The following PLCB1 variants were observed in gnomAD, a reference collection of about 807,000 sequenced individuals.
PLCB1 encodes phospholipase C beta 1, also known as 1-phosphatidylinositol 4,5-bisphosphate phosphodiesterase beta-1.
A neutral mutation model predicts 161.8 loss-of-function variants in PLCB1; 46 were observed. The observed-to-expected ratio is 0.28, with a 90% confidence interval of 0.22 to 0.36. The LOEUF is 0.36. Ranked by LOEUF, PLCB1 falls within the 10% of genes least tolerant of loss-of-function variation. PLCB1 has a pLI of 1.00. For synonymous variants in PLCB1, 517 were observed against 503.7 expected (o/e 1.03, Z -0.35); for missense variants, 1,016 against 1,472.5 (o/e 0.69, Z 5.07).
chr20:8,322,510 TTAA>T (rs1263633509), intron 2 of PLCB1, among the ~76,000 whole-genome samples: 1 of 150,776 alleles, frequency 6.6e-6, no homozygotes, highest in Non-Finnish European at 1.5e-5. Flanking sequence ...CACTGGAATC[TTAA>T]TAGTTCTTGC....
intron 3 of PLCB1, among the ~76,000 whole-genome samples, chr20:8,562,343 A>G (rs1401761656): frequency 6.6e-6 from 1 of 152,072 alleles, no homozygotes; most frequent in Non-Finnish European, 1.5e-5. Context: ...CAGCGGTCCT[A>G]ATGTTTGGTC....
chr20:8,646,003 A>T, intron 4 of PLCB1, 99 bp from the exon 5 acceptor site: 1 of 770,564 alleles, frequency 1.3e-6, no homozygotes, highest in South Asian at 1.6e-5. Flanking sequence ...TTTGGCATGC[A>T]CATTGAACTA....
At chr20:8,601,530 G>C (rs961173768) in intron 3 of PLCB1, among the ~76,000 whole-genome samples, 1 of 151,976 alleles carries the variant, frequency 6.6e-6, no homozygotes, top group Non-Finnish European at 1.5e-5. Flanking sequence ...GTATATTATG[G>C]GTTTAAAAAT....
chr20:8,316,049 C>T (rs1984634484), intron 2 of PLCB1, among the ~76,000 whole-genome samples: 1 of 152,182 alleles, frequency 6.6e-6, no homozygotes, highest in Non-Finnish European at 1.5e-5. Flanking sequence ...CAATTATAAT[C>T]TTGGCAGTTT....
At chr20:8,275,822 A>G (rs1046702806) in intron 2 of PLCB1, among the ~76,000 whole-genome samples, 1 of 152,082 alleles carries the variant, frequency 6.6e-6, no homozygotes, top group African/African-American at 2.4e-5. Flanking sequence ...TGTGTGAACT[A>G]GGCCTATCAG....
intron 3 of PLCB1, among the ~76,000 whole-genome samples, chr20:8,612,212 G>A (rs1047841505): frequency 1.3e-5 from 2 of 152,092 alleles, no homozygotes; most frequent in African/African-American, 2.4e-5. Flanking sequence ...CATAAAGTTT[G>A]TTGAATGAAT....
chr20:8,169,531 T>G (rs2051710794), intron 2 of PLCB1, among the ~76,000 whole-genome samples: 1 of 152,188 alleles, frequency 6.6e-6, no homozygotes, highest in Non-Finnish European at 1.5e-5. Flanking sequence ...ATTGTGTGAA[T>G]CTGAACTAGG....
chr20:8,203,170 A>C (rs1243012189), intron 2 of PLCB1, among the ~76,000 whole-genome samples: 1 of 152,042 alleles, frequency 6.6e-6, no homozygotes, highest in East Asian at 1.9e-4. Context: ...AGAAAGTAAA[A>C]ATCACTAGAG....
chr20:8,510,552 A>G (rs1489193587), intron 3 of PLCB1, among the ~76,000 whole-genome samples: 1 of 148,460 alleles, frequency 6.7e-6, no homozygotes, highest in African/African-American at 2.5e-5. Flanking sequence ...CGCCCAGCTA[A>G]TTTTTTTTTT....
intron 17 of PLCB1, among the ~76,000 whole-genome samples, chr20:8,728,840 T>G (rs1431021351): frequency 6.6e-6 from 1 of 152,028 alleles, no homozygotes; most frequent in Non-Finnish European, 1.5e-5. Context: ...ACAACAAAAA[T>G]TTTTGCTATT....
At chr20:8,781,563 A>C (rs746963197) in intron 27 of PLCB1, among the ~76,000 whole-genome samples, 7 of 152,082 alleles carry the variant, frequency 4.6e-5, no homozygotes, top group Non-Finnish European at 8.8e-5. Context: ...ACTTTATTGC[A>C]TGAATGTAGC....
chr20:8,833,021 G>A (rs1483471478), intron 31 of PLCB1, among the ~76,000 whole-genome samples: 5 of 152,172 alleles, frequency 3.3e-5, no homozygotes, highest in Non-Finnish European at 4.4e-5. Context: ...CCTGGAACCT[G>A]TGAATGTTCC....
At chr20:8,739,228 T>C in intron 20 of PLCB1, 33 bp from the exon 21 acceptor site, 1 of 1,197,956 alleles carries the variant, frequency 8.3e-7, no homozygotes, top group East Asian at 2.3e-5. Context: ...TGTTCATTCT[T>C]ATAACCAGGT....
Position 8,769,440 on chromosome 20 carries a change from TTTAAA to T in PLCB1, c.2930+4086_2930+4090del, listed in dbSNP as rs1982554759. On this transcript the variant is annotated intron_variant, in intron 26 of 31. Transcript: ENST00000338037. ...AAGAAGTGAAAAAAAGCCTTTTAAG[TTTAAA>T]TTATTGCTCCACTTAATTTTCTATA... 3.9e-5 allele frequency among the ~76,000 whole-genome samples: 6 copies of T among 152,212 alleles called. 1 individual carries two copies. The South Asian group carries it at 1.2e-3, about 32-fold the overall frequency.
intron 19 of PLCB1, among the ~76,000 whole-genome samples, chr20:8,735,637 C>T (rs1384444295): frequency 6.6e-6 from 1 of 152,234 alleles, no homozygotes; most frequent in Non-Finnish European, 1.5e-5. Context: ...TAGTTTAGGA[C>T]TCTGCTTTGG....
chr20:8,705,785 G>A (rs1978636389), intron 11 of PLCB1, among the ~76,000 whole-genome samples: 1 of 152,190 alleles, frequency 6.6e-6, no homozygotes, highest in East Asian at 1.9e-4. Flanking sequence ...GAGAGGGAGA[G>A]GAAAAAGAGA....
chr20:8,571,901 T>C (rs1366140615), intron 3 of PLCB1, among the ~76,000 whole-genome samples: 1 of 152,146 alleles, frequency 6.6e-6, no homozygotes, highest in African/African-American at 2.4e-5. Context: ...GAGGGGCCCT[T>C]TTCCAAAAAG....
At chr20:8,771,437 G>T (rs563955379) in intron 26 of PLCB1, among the ~76,000 whole-genome samples, 1 of 152,034 alleles carries the variant, frequency 6.6e-6, no homozygotes, top group Non-Finnish European at 1.5e-5. Flanking sequence ...CTTGAACACT[G>T]AATTCAGCTC....
At chr20:8,512,553 T>G (rs538232824) in intron 3 of PLCB1, among the ~76,000 whole-genome samples, 100 of 152,194 alleles carry the variant, frequency 6.6e-4, no homozygotes, top group African/African-American at 2.3e-3. Flanking sequence ...ATAAAAAACA[T>G]TGTGGCTTTG....
Sources: allele counts gnomAD v4.1 joint callset (sites outside exome capture counted in the v4.1 genomes callset), GRCh38; gene constraint gnomAD v4.1.1; transcripts MANE v1.5; gene names NCBI Gene and HGNC (gene_info 2026-07-23, HGNC 2026-07-21).